Variants in CALY observed in about 807,000 individuals in gnomAD.
CALY encodes the protein calcyon neuron specific vesicular protein.
In CALY, 15 loss-of-function variants were observed where a neutral mutation model predicts 20.2. The ratio of observed to expected loss-of-function variants is 0.74; its 90% confidence interval spans 0.50 to 1.14. The LOEUF is 1.14. Among genes scored for constraint, CALY ranks in the 50% most tolerant of loss-of-function variants. CALY has a pLI of 0.00. For missense variants in CALY, 270 were observed against 304.4 expected, an observed-to-expected ratio of 0.89 and a Z score of 0.84; for synonymous variants, 129 against 131.8, an observed-to-expected ratio of 0.98 and a Z score of 0.15.
rs372426021 is a variant in CALY at position 133,336,154 on chromosome 10, G to A, written c.-21+680C>T. Among the ~76,000 whole-genome samples, 212 of 152,272 alleles carry A rather than the reference G, an allele frequency of 1.4e-3. 1 individual carries two copies. Among genetic ancestry groups the A allele is most frequent in the Middle Eastern group, 3.4e-3 (1 of 290 alleles). On this transcript the variant is annotated intron_variant, in intron 1 of 5. Coordinates refer to ENST00000252939, the MANE Select transcript of CALY (RefSeq NM_015722.4). ...GCCTCCCGCCCCTGGCGCTGCAGGG[G>A]GCTGTGGCTGCCCCGCTTATTAAAA...
intron 1 of CALY, among the ~76,000 whole-genome samples, chr10:133,329,992 G>A (rs1288462587): frequency 2.6e-5 from 4 of 152,230 alleles, no homozygotes; most frequent in Middle Eastern, 3.2e-3. Flanking sequence ...GGAGCTGAAA[G>A]CCACAGCAGG....
chr10:133,329,392 C>CT (rs112012967), intron 1 of CALY, among the ~76,000 whole-genome samples: 40,059 of 137,414 alleles, frequency 0.29, 6,339 homozygotes, highest in East Asian at 0.5. Context: ...TCTTCTTCTT[C>CT]TTTTTTTTTT....
intron 3 of CALY, 89 bp from the exon 4 acceptor site, chr10:133,327,080 A>G (rs566691242): frequency 1.1e-6 from 1 of 873,366 alleles, no homozygotes; most frequent in African/African-American, 1.7e-5. Context: ...GCACAGGACC[A>G]TCCCCGCCCT....
intron 4 of CALY, 96 bp from the exon 5 acceptor site, chr10:133,326,216 C>A (rs1243122481): frequency 6.4e-7 from 1 of 1,552,418 alleles, no homozygotes; most frequent in Non-Finnish European, 8.7e-7. Flanking sequence ...ACACTGCGGA[C>A]AGTTTGTAAT....
Position 133,326,039 on chromosome 10 carries a change from T to G in CALY, c.442A>C (p.Ile148Leu). The G allele has an allele frequency of 6.3e-7, 1 of 1,593,308 alleles. No individual in the cohort carries two copies. ...TTGCGGCTCAGCGGGTAGGCCCCGA[T>G]GGCCGCCAGGATGCTGCGGTGGCGC... is the stretch of plus-strand genomic sequence containing the variant. ...PERHRSILAAIGAYPLSRKHG... is the reference protein window; with the variant it reads ...PERHRSILAALGAYPLSRKHG... Residue 148 changes from isoleucine to leucine, a missense_variant, in exon 5 of 6, where the codon ATC (isoleucine) becomes CTC (leucine). Transcript: ENST00000252939.
Position 133,324,240 on chromosome 10 carries a change from GC to G in CALY, c.*1354del, listed in dbSNP as rs1398600458. ...TCTGGCCAATGCCCTTAGAAGCCCA[GC>G]AGTGAAGGGTGTGGTGTGCATGGCC... On this transcript the variant is annotated 3_prime_UTR_variant, in exon 6 of 6. Transcript: ENST00000252939. The G allele has an allele frequency of 2.4e-6, 1 of 413,344 alleles. No individual in the cohort carries two copies. The highest frequency in any genetic ancestry group is 5.0e-6 in the Non-Finnish European group (1 of 200,386). The allele number at this position is 413,344 out of a possible 1,614,324, so 25.6% of individuals were successfully genotyped here.
Position 133,325,948 on chromosome 10 carries a change from C to A in CALY, c.533G>T (p.Gly178Val). 1 of 1,481,814 alleles carries A rather than the reference C, an allele frequency of 6.7e-7. No homozygotes were observed. Among genetic ancestry groups the A allele is most frequent in the Non-Finnish European group, 9.0e-7 (1 of 1,109,698 alleles). The allele number at this position is 1,481,814 out of a possible 1,614,324, so 91.8% of individuals were successfully genotyped here. ...CGCCGCCGCCCCAGCCTGGGTGGGC[C>A]CCTTGCGCTCCTCCTTGGCTGCGCG... ...GYRAAKEERK[G>V]PTQAGAAAAA... The change falls in exon 5 of 6, where the codon GGG becomes GTG. Residue 178 changes from glycine (G) to valine (V), a missense_variant. Gly to Val is a moderately radical substitution (Grantham distance 109). Transcript: ENST00000252939.
At chr10:133,326,440 C>T in intron 4 of CALY, 1 of 578,638 alleles carries the variant, frequency 1.7e-6, no homozygotes, top group Non-Finnish European at 3.1e-6. Context: ...GCAGATTTTA[C>T]TTCTGATAAA....
intron 3 of CALY, 116 bp downstream of exon 3, chr10:133,327,789 T>G: frequency 1.3e-6 from 1 of 751,986 alleles, no homozygotes; most frequent in East Asian, 2.7e-5. Flanking sequence ...CACCCTCTCC[T>G]CCCTGAGAGC....
chr10:133,324,333 C>T lies in CALY; in HGVS notation c.*1262G>A, dbSNP rs907115072. ...TGGCTTCCCTGGCAGGCCCAGTTCA[C>T]AGGCTTCCTGGGCACTGCCGCTGTT... On this transcript the variant is annotated 3_prime_UTR_variant, in exon 6 of 6. Coordinates refer to ENST00000252939, the MANE Select transcript of CALY (RefSeq NM_015722.4). The T allele has an allele frequency of 2.4e-5, 11 of 455,862 alleles. No homozygotes were observed. The highest frequency in any genetic ancestry group is 4.4e-5 in the Non-Finnish European group (10 of 226,886). 28.2% of individuals were successfully genotyped at this position (455,862 alleles called of 1,614,324 possible). A position where few individuals can be genotyped will look rare whatever the true frequency, so the allele number is the denominator to read the frequency against.
intron 1 of CALY, among the ~76,000 whole-genome samples, chr10:133,336,398 TC>T (rs1025957815): frequency 4.3e-4 from 46 of 106,138 alleles, no homozygotes; most frequent in Non-Finnish European, 4.1e-4. Context: ...CAGCGGCTCC[TC>T]GGTGCTCTGG....
chr10:133,332,261 G>C (rs1848322083), intron 1 of CALY, among the ~76,000 whole-genome samples: 1 of 152,214 alleles, frequency 6.6e-6, no homozygotes, highest in Non-Finnish European at 1.5e-5. Flanking sequence ...TGCACACACA[G>C]ACCCTGATTT....
intron 1 of CALY, among the ~76,000 whole-genome samples, chr10:133,335,873 G>T (rs1457766224): frequency 6.6e-6 from 1 of 152,210 alleles, no homozygotes; most frequent in African/African-American, 2.4e-5. Context: ...ATGGCAGATG[G>T]GTGGGGGCGC....
chr10:133,326,068 G>T lies in CALY; in HGVS notation c.413C>A (p.Pro138His). 1.2e-6 allele frequency: 2 copies of T among 1,600,554 alleles called. No individual in the cohort carries two copies. Among genetic ancestry groups the T allele is most frequent in the South Asian group, 1.1e-5 (1 of 89,602 alleles). Residue 138 changes from proline to histidine, a missense_variant, in exon 5 of 6, where the codon CCC becomes CAC. Physicochemically the swap from Pro to His is moderately conservative, Grantham distance 77. Transcript: ENST00000252939. ...CGCCAGGATGCTGCGGTGGCGCTCG[G>T]GGTCCATCTCCGTGTAGTACATCTC... Reference protein sequence around the residue: ...TLEMYYTEMDPERHRSILAAI... With the variant: ...TLEMYYTEMDHERHRSILAAI...
intron 5 of CALY, 29 bp downstream of exon 5, chr10:133,325,770 C>T: frequency 3.9e-6 from 4 of 1,036,900 alleles, no homozygotes; most frequent in South Asian, 4.8e-5. Context: ...CTGGGCAGAG[C>T]CGGCCGGAGC....
intron 2 of CALY, 24 bp downstream of exon 2, chr10:133,328,831 C>A (rs1465814987): frequency 6.5e-7 from 1 of 1,534,586 alleles, no homozygotes; most frequent in East Asian, 2.4e-5. Context: ...TGAGAAGGGC[C>A]CCCACGCTGG....
chr10:133,326,186 TC>T (rs1848206230), intron 4 of CALY, 66 bp from the exon 5 acceptor site: 1 of 1,562,260 alleles, frequency 6.4e-7, no homozygotes, highest in Non-Finnish European at 8.7e-7. Context: ...GCCCAGGCCC[TC>T]CCGCTTCTGC....
intron 3 of CALY, chr10:133,327,336 A>G: frequency 2.0e-6 from 1 of 494,220 alleles, no homozygotes. Flanking sequence ...GGGGAGTCGG[A>G]GGCTGCACTC....
At chr10:133,326,837 G>A in intron 4 of CALY, 41 bp downstream of exon 4, 1 of 1,360,780 alleles carries the variant, frequency 7.3e-7, no homozygotes, top group Non-Finnish European at 1.0e-6. Context: ...ACGGGAGGAG[G>A]GGCGGCTCTA....
Sources: allele counts gnomAD v4.1 joint callset (sites outside exome capture counted in the v4.1 genomes callset), GRCh38; gene constraint gnomAD v4.1.1; transcripts MANE v1.5; gene names NCBI Gene and HGNC (gene_info 2026-07-23, HGNC 2026-07-21).